The following SFPQ variants were observed in gnomAD, a reference collection of about 807,000 sequenced individuals.
The protein encoded by SFPQ is splicing factor proline and glutamine rich.
Under a neutral mutation model 72.9 loss-of-function variants are expected in SFPQ, and 11 were observed. That is an observed-to-expected ratio of 0.15 (90% CI 0.09 to 0.25). The LOEUF (loss-of-function observed/expected upper bound fraction) is 0.25, where lower values mean the gene tolerates loss of function less well. Among genes scored for constraint, SFPQ ranks in the 10% least tolerant of loss-of-function variants. SFPQ has a pLI of 1.00. For synonymous variants in SFPQ, 506 were observed against 367.3 expected (o/e 1.38, Z -4.32); for missense variants, 847 against 993.3 (o/e 0.85, Z 1.98).
intron 4 of SFPQ, 60 bp from the exon 5 acceptor site, chr1:35,189,442 G>T: frequency 3.8e-6 from 5 of 1,300,742 alleles, no homozygotes; most frequent in Non-Finnish European, 5.4e-6. Context: ...GAAAATACTT[G>T]CCCTAGTACT....
chr1:35,178,596 G>A (rs1639341725), downstream of SFPQ: 1 of 1,057,630 alleles, frequency 9.5e-7, no homozygotes, highest in African/African-American at 1.7e-5. Context: ...TTTAAAGTTA[G>A]GGCTGGAAAA....
At chr1:35,178,243 G>C (rs181455941), downstream of SFPQ, 144 of 1,095,052 alleles carry the variant, frequency 1.3e-4, no homozygotes, top group Admixed American at 2.1e-4. Context: ...ACCTGAATTA[G>C]AATGAAAACT....
downstream of SFPQ, chr1:35,182,516 A>G (rs1639513052): frequency 2.0e-6 from 2 of 985,264 alleles, no homozygotes; most frequent in Non-Finnish European, 1.2e-6. Context: ...TTTATACACT[A>G]GTGTTTACTT....
At chr1:35,178,285 TCA>T (rs1467347275), downstream of SFPQ, 1 of 1,099,590 alleles carries the variant, frequency 9.1e-7, no homozygotes, top group South Asian at 3.2e-5. Context: ...AGCCTGACTC[TCA>T]GTTTCACCAG....
At position 35,183,992 on chromosome 1, in the gene SFPQ, T is replaced by G; in HGVS notation, c.*464A>C. ...GGCAATTATTTGTAGAAAGCAATAC[T>G]TAGCCTCCAGATGCATTTCCCAGAA... On this transcript the variant is annotated 3_prime_UTR_variant, in exon 10 of 10. Transcript: ENST00000357214. 9.5e-7 allele frequency: 1 copy of G among 1,056,482 alleles called. No individual in the cohort carries two copies. The highest frequency in any genetic ancestry group is 5.3e-5 in the East Asian group (1 of 18,764). The allele number at this position is 1,056,482 out of a possible 1,614,324, so 65.4% of individuals were successfully genotyped here.
intron 9 of SFPQ, among the ~76,000 whole-genome samples, chr1:35,186,789 T>A (rs909144644): frequency 6.6e-6 from 1 of 152,202 alleles, no homozygotes; most frequent in Admixed American, 6.5e-5. Context: ...TGACTCCTTG[T>A]TGGCAACCGT....
downstream of SFPQ, chr1:35,181,047 T>A: frequency 6.6e-6 from 7 of 1,065,072 alleles, no homozygotes; most frequent in Non-Finnish European, 6.8e-6. Context: ...TGCACTGTAA[T>A]TTCATTGTCA....
intron 1 of SFPQ, 151 bp downstream of exon 1, chr1:35,192,071 A>ACGGCCCCGCAGGCCGCCC (rs1553154268): frequency 1.7e-5 from 8 of 474,920 alleles, no homozygotes; most frequent in Non-Finnish European, 2.3e-5. Context: ...CCGCCGACCG[A>ACGGCCCCGCAGGCCGCCC]CGGCCCCGCA....
downstream of SFPQ, chr1:35,178,021 C>T (rs756374763): frequency 6.2e-6 from 8 of 1,297,186 alleles, no homozygotes; most frequent in African/African-American, 4.5e-5. Context: ...TATCAGCCAA[C>T]ATCAATCATT....
At position 35,183,622 on chromosome 1, in the gene SFPQ, C is replaced by A; in HGVS notation, c.*834G>T. 1 of 1,031,752 alleles carries A rather than the reference C, an allele frequency of 9.7e-7. No individual in the cohort carries two copies. Among genetic ancestry groups the A allele is most frequent in the African/African-American group, 1.7e-5 (1 of 59,358 alleles). The allele number at this position is 1,031,752 out of a possible 1,614,324, so 63.9% of individuals were successfully genotyped here. A position where few individuals can be genotyped will look rare whatever the true frequency, so the allele number is the denominator to read the frequency against. On this transcript the variant is annotated 3_prime_UTR_variant, in exon 10 of 10. Coordinates refer to ENST00000357214, the MANE Select transcript of SFPQ (RefSeq NM_005066.3). ...GACTTCATGTTTAACATCTTTAATTCAAATGTAAAAGTTCAATACAAGCCA... is the reference window on the plus strand; with the variant it reads ...GACTTCATGTTTAACATCTTTAATTAAAATGTAAAAGTTCAATACAAGCCA...
downstream of SFPQ, chr1:35,180,759 C>T: frequency 9.4e-7 from 1 of 1,061,348 alleles, no homozygotes; most frequent in East Asian, 5.1e-5. Context: ...CTAATTATCA[C>T]ATGCTATACG....
downstream of SFPQ, chr1:35,178,538 A>G: frequency 6.6e-6 from 7 of 1,061,226 alleles, no homozygotes; most frequent in Non-Finnish European, 6.8e-6. Flanking sequence ...GTTGTCCTGC[A>G]ATCCTTTGTA....
intron 9 of SFPQ, among the ~76,000 whole-genome samples, chr1:35,185,621 G>A (rs1044088275): frequency 1.3e-5 from 2 of 152,106 alleles, no homozygotes; most frequent in Admixed American, 1.3e-4. Context: ...GTTACTAAGA[G>A]TATTACTCCA....
downstream of SFPQ, chr1:35,181,944 A>G (rs1430541824): frequency 1.9e-5 from 19 of 985,202 alleles, no homozygotes; most frequent in Non-Finnish European, 2.3e-5. Context: ...ATTATTTGCT[A>G]AACAACGTTT....
At position 35,187,218 on chromosome 1, in the gene SFPQ, C is replaced by G; in HGVS notation, c.1849G>C (p.Ala617Pro). 6.2e-7 allele frequency: 1 copy of G among 1,614,158 alleles called. No homozygotes were observed. The highest frequency in any genetic ancestry group is 8.5e-7 in the Non-Finnish European group (1 of 1,180,004). Residue 617 changes from alanine (A) to proline (P), a missense_variant, in exon 8 of 10, where the codon GCA becomes CCA. By Grantham distance (27) the Ala-to-Pro change is conservative. Coordinates refer to ENST00000357214, the MANE Select transcript of SFPQ (RefSeq NM_005066.3). The stretch of plus-strand genomic sequence containing the variant: ...TCACACTTACCTCCCATGTTCATTG[C>G]TCCTCCGCCACCCATTCGCATGTCT... The part of the protein sequence containing the change: ...ERDMRMGGGG[A>P]MNMGDPYGSG...
At chr1:35,180,871 A>C (rs989444613), downstream of SFPQ, 1 of 985,316 alleles carries the variant, frequency 1.0e-6, no homozygotes, top group African/African-American at 1.7e-5. Flanking sequence ...GTTACAATGC[A>C]ACTAAAGGAA....
downstream of SFPQ, chr1:35,181,662 T>C: frequency 2.5e-5 from 27 of 1,060,508 alleles, no homozygotes; most frequent in Non-Finnish European, 3.1e-5. Flanking sequence ...AAAACAAAAT[T>C]ATGAGAAAGT....
intron 9 of SFPQ, among the ~76,000 whole-genome samples, chr1:35,185,115 A>G (rs1639643123): frequency 6.6e-6 from 1 of 152,264 alleles, no homozygotes; most frequent in Non-Finnish European, 1.5e-5. Flanking sequence ...TAAGTTGCAG[A>G]AATCTTAAAA....
intron 4 of SFPQ, among the ~76,000 whole-genome samples, chr1:35,190,235 G>A (rs1570135265): frequency 6.6e-6 from 1 of 152,222 alleles, no homozygotes; most frequent in Admixed American, 6.5e-5. Flanking sequence ...ACTCTGGCCT[G>A]GGCAACAGAG....
Sources: allele counts gnomAD v4.1 joint callset (sites outside exome capture counted in the v4.1 genomes callset), GRCh38; gene constraint gnomAD v4.1.1; transcripts MANE v1.5; gene names NCBI Gene and HGNC (gene_info 2026-07-23, HGNC 2026-07-21).